Variants in KIAA1328 observed in about 807,000 individuals in gnomAD.
The protein encoded by KIAA1328 is KIAA1328, also known as protein hinderin.
In KIAA1328, 52 loss-of-function variants were observed where a neutral mutation model predicts 68.1. The ratio of observed to expected loss-of-function variants is 0.76; its 90% CI spans 0.61 to 0.96. KIAA1328 has a LOEUF of 0.96. KIAA1328 is among the 40% of genes least tolerant of loss of function. KIAA1328 has a pLI of 0.00. For missense variants in KIAA1328, 641 were observed against 677.6 expected (o/e 0.95, Z 0.60); for synonymous variants, 232 against 239.4 (o/e 0.97, Z 0.28).
Position 37,044,657 on chromosome 18 carries a change from G to C in KIAA1328, c.577-22233G>C, listed in dbSNP as rs575627779. Reference sequence around the variant, plus strand: ...CTAAAAATACAAAAAAAAATTAGCTGGGCATGGTGGCAACACACCTGTAAT... The same window carrying C: ...CTAAAAATACAAAAAAAAATTAGCTCGGCATGGTGGCAACACACCTGTAAT... On this transcript the variant is annotated intron_variant, in intron 6 of 9. Coordinates refer to ENST00000280020, the MANE Select transcript of KIAA1328 (RefSeq NM_020776.3). 9.2e-5 allele frequency among the ~76,000 whole-genome samples: 14 copies of C among 151,948 alleles called. No homozygotes were observed. In the South Asian group the frequency reaches 2.1e-3, roughly 23 times the overall value.
chr18:37,123,634 G>T (rs77851555), intron 7 of KIAA1328, among the ~76,000 whole-genome samples: 1 of 152,146 alleles, frequency 6.6e-6, no homozygotes, highest in Non-Finnish European at 1.5e-5. Flanking sequence ...TATGCCATGG[G>T]TGGCTAAAAT....
chr18:37,136,195 G>A (rs1037094801), intron 7 of KIAA1328, among the ~76,000 whole-genome samples: 2 of 152,274 alleles, frequency 1.3e-5, no homozygotes, highest in African/African-American at 2.4e-5. Context: ...CTGGCCGTGT[G>A]TGTTGATTCA....
At chr18:37,121,224 G>GTA (rs2058260069) in intron 7 of KIAA1328, among the ~76,000 whole-genome samples, 1 of 152,098 alleles carries the variant, frequency 6.6e-6, no homozygotes, top group African/African-American at 2.4e-5. Flanking sequence ...TGAGCATTAT[G>GTA]TATATATCCA....
intron 6 of KIAA1328, among the ~76,000 whole-genome samples, chr18:37,018,801 G>A (rs1302314454): frequency 6.6e-6 from 1 of 151,266 alleles, no homozygotes; most frequent in Non-Finnish European, 1.5e-5. Context: ...TTTTTTTAAT[G>A]ATTTTTATGT....
chr18:36,989,325 G>A (rs138848247), intron 6 of KIAA1328, among the ~76,000 whole-genome samples: 116 of 152,274 alleles, frequency 7.6e-4, no homozygotes, highest in African/African-American at 2.4e-3. Context: ...AAGCACAAGA[G>A]AAAAGACATT....
At chr18:36,858,224 A>G (rs2047444261) in intron 4 of KIAA1328, among the ~76,000 whole-genome samples, 1 of 152,110 alleles carries the variant, frequency 6.6e-6, no homozygotes, top group Non-Finnish European at 1.5e-5. Context: ...TATTTTCTTG[A>G]TAGACTATTT....
intron 6 of KIAA1328, among the ~76,000 whole-genome samples, chr18:37,051,436 A>T (rs1322833692): frequency 2.0e-5 from 3 of 152,182 alleles, no homozygotes; most frequent in Non-Finnish European, 1.5e-5. Context: ...CTATACATAC[A>T]AACTAGAAAG....
At chr18:37,103,529 A>G (rs550994225) in intron 7 of KIAA1328, among the ~76,000 whole-genome samples, 1 of 152,338 alleles carries the variant, frequency 6.6e-6, no homozygotes, top group East Asian at 1.9e-4. Context: ...AGTTAAACAT[A>G]AGACCTGAAA....
At chr18:36,895,671 C>G in intron 5 of KIAA1328, 1 of 445,286 alleles carries the variant, frequency 2.2e-6, no homozygotes, top group Non-Finnish European at 4.5e-6. Context: ...TTATTTGTTA[C>G]TTAAGAATTT....
intron 6 of KIAA1328, among the ~76,000 whole-genome samples, chr18:36,963,465 G>T (rs1210582120): frequency 2.0e-5 from 3 of 152,180 alleles, no homozygotes; most frequent in Non-Finnish European, 4.4e-5. Context: ...TGATAGTGAA[G>T]AAATAGTCAC....
At chr18:37,120,420 GA>G (rs998698700) in intron 7 of KIAA1328, among the ~76,000 whole-genome samples, 3 of 150,780 alleles carry the variant, frequency 2.0e-5, no homozygotes, top group Non-Finnish European at 3.0e-5. Context: ...ATGGAATGGT[GA>G]AAAAAAAATC....
chr18:37,172,270 T>C (rs563404515), intron 8 of KIAA1328, among the ~76,000 whole-genome samples: 4 of 152,326 alleles, frequency 2.6e-5, no homozygotes, highest in South Asian at 2.1e-4. Context: ...TAAATATAGC[T>C]ATATTTTATG....
intron 5 of KIAA1328, among the ~76,000 whole-genome samples, chr18:36,914,732 A>G (rs759267561): frequency 2.0e-5 from 3 of 152,168 alleles, no homozygotes; most frequent in Non-Finnish European, 4.4e-5. Flanking sequence ...TTAAAAAGTT[A>G]GATAAAAAAA....
chr18:36,998,416 C>A (rs1598930923), intron 6 of KIAA1328, among the ~76,000 whole-genome samples: 1 of 152,208 alleles, frequency 6.6e-6, no homozygotes, highest in Non-Finnish European at 1.5e-5. Flanking sequence ...GCCTACCTGT[C>A]CAGTACACCA....
At chr18:37,079,342 A>C (rs1159977445) in intron 7 of KIAA1328, among the ~76,000 whole-genome samples, 1 of 116,172 alleles carries the variant, frequency 8.6e-6, no homozygotes, top group South Asian at 2.5e-4. Context: ...GGGTGGGGGG[A>C]GAGGGGAGGG....
intron 7 of KIAA1328, among the ~76,000 whole-genome samples, chr18:37,159,862 T>A (rs970770880): frequency 1.3e-5 from 2 of 152,220 alleles, no homozygotes; most frequent in Admixed American, 1.3e-4. Flanking sequence ...GAAAACATCT[T>A]AGATATGCAA....
At chr18:36,844,355 T>G in intron 4 of KIAA1328, 53 bp downstream of exon 4, 1 of 1,191,900 alleles carries the variant, frequency 8.4e-7, no homozygotes, top group Middle Eastern at 2.0e-4. Context: ...CAACTCTTAT[T>G]GAAAACAGAA....
At chr18:37,213,379 A>G (rs2060356321) in intron 9 of KIAA1328, among the ~76,000 whole-genome samples, 1 of 152,140 alleles carries the variant, frequency 6.6e-6, no homozygotes, top group Admixed American at 6.5e-5. Flanking sequence ...GTTCCCACCT[A>G]TGAGTGAGAA....
At chr18:37,043,207 G>A (rs2055328821) in intron 6 of KIAA1328, among the ~76,000 whole-genome samples, 1 of 152,018 alleles carries the variant, frequency 6.6e-6, no homozygotes, top group South Asian at 2.1e-4. Flanking sequence ...TAGCTGCTTT[G>A]AAGTTTTTCT....
Sources: gnomAD v4.1 joint callset for allele counts (sites outside exome capture counted in the v4.1 genomes callset) on GRCh38, gnomAD v4.1.1 for gene constraint, MANE v1.5 for transcripts, NCBI Gene and HGNC (gene_info 2026-07-23, HGNC 2026-07-21) for gene names.